CPNE4: variants seen among roughly 807,000 people sequenced by gnomAD.
CPNE4 encodes the protein copine-4.
A neutral mutation model predicts 67.9 loss-of-function variants in CPNE4; 25 were observed. The observed-to-expected ratio is 0.37, with a 90% CI of 0.27 to 0.51. The LOEUF (loss-of-function observed/expected upper bound fraction) is 0.51. CPNE4 is among the 20% of genes least tolerant of loss of function. The pLI is 0.93. For missense variants in CPNE4, 464 were observed against 690.8 expected, an observed-to-expected ratio of 0.67 and a Z score of 3.68; for synonymous variants, 242 against 244.9, an observed-to-expected ratio of 0.99 and a Z score of 0.11.
At chr3:131,875,695 G>A (rs187254774) in intron 2 of CPNE4, among the ~76,000 whole-genome samples, 1 of 139,824 alleles carries the variant, frequency 7.2e-6, no homozygotes, top group East Asian at 2.5e-4. Context: ...GTGGGGGGAG[G>A]GGGGAGGGAT....
intron 7 of CPNE4, among the ~76,000 whole-genome samples, chr3:131,653,844 T>G (rs1166177933): frequency 6.6e-6 from 1 of 152,214 alleles, no homozygotes; most frequent in African/African-American, 2.4e-5. Flanking sequence ...TTATGCAACT[T>G]ACACGTCAGC....
chr3:131,708,327 G>C (rs953839262), intron 3 of CPNE4, among the ~76,000 whole-genome samples: 1 of 152,120 alleles, frequency 6.6e-6, no homozygotes, highest in Non-Finnish European at 1.5e-5. Context: ...AGGGCAAGAG[G>C]AGATGAAGAG....
chr3:131,947,757 TG>T (rs1260673007), intron 1 of CPNE4, among the ~76,000 whole-genome samples: 1 of 152,170 alleles, frequency 6.6e-6, no homozygotes, highest in Non-Finnish European at 1.5e-5. Flanking sequence ...TATCCAGTAA[TG>T]GGATTGCTGG....
At chr3:132,038,847 AC>A (rs1186427893), upstream of CPNE4, among the ~76,000 whole-genome samples, 1 of 152,178 alleles carries the variant, frequency 6.6e-6, no homozygotes, top group African/African-American at 2.4e-5. Context: ...GTTTTTCCTT[AC>A]TAAGAAAAAC....
At chr3:131,997,211 G>C (rs1328498755) in intron 1 of CPNE4, among the ~76,000 whole-genome samples, 1 of 152,090 alleles carries the variant, frequency 6.6e-6, no homozygotes, top group Non-Finnish European at 1.5e-5. Context: ...AATGGAAAGG[G>C]CAGACCACTC....
At chr3:131,942,723 G>A (rs1246903173) in intron 1 of CPNE4, among the ~76,000 whole-genome samples, 1 of 152,000 alleles carries the variant, frequency 6.6e-6, no homozygotes, top group Non-Finnish European at 1.5e-5. Context: ...AGTAAACTTG[G>A]TAAGGAAATT....
intron 2 of CPNE4, among the ~76,000 whole-genome samples, chr3:131,787,399 C>T (rs1343583590): frequency 6.6e-6 from 1 of 152,142 alleles, no homozygotes; most frequent in Non-Finnish European, 1.5e-5. Context: ...TGGTGGGGAG[C>T]TCTGGAGCAA....
intron 3 of CPNE4, among the ~76,000 whole-genome samples, chr3:131,716,892 G>A (rs2081706347): frequency 6.6e-6 from 1 of 152,212 alleles, no homozygotes; most frequent in Non-Finnish European, 1.5e-5. Flanking sequence ...CCCACACCAT[G>A]TACACGTCAG....
At chr3:131,554,964 C>T (rs570605295) in intron 12 of CPNE4, among the ~76,000 whole-genome samples, 8 of 152,190 alleles carry the variant, frequency 5.3e-5, no homozygotes, top group Admixed American at 3.3e-4. Context: ...CATGAGAAAT[C>T]ATTATCAAAA....
chr3:131,914,225 A>G (rs1186134732), intron 1 of CPNE4, among the ~76,000 whole-genome samples: 1 of 152,206 alleles, frequency 6.6e-6, no homozygotes, highest in Non-Finnish European at 1.5e-5. Context: ...ATTTGAACCC[A>G]GGACCTCCAA....
At chr3:131,600,437 A>G (rs760002646) in intron 7 of CPNE4, among the ~76,000 whole-genome samples, 29 of 152,146 alleles carry the variant, frequency 1.9e-4, no homozygotes, top group Non-Finnish European at 3.7e-4. Context: ...GTTAACTTTA[A>G]AAGGGGAGGG....
At chr3:132,038,003 C>CTTTT (rs35184182), upstream of CPNE4, 26 of 145,544 alleles carry the variant, frequency 1.8e-4, no homozygotes, top group South Asian at 1.1e-3. Context: ...TATTTTCTTT[C>CTTTT]TTTTTTTTTT....
At chr3:131,743,962 C>CAAAAAAAAAAAAAAA (rs67791015) in intron 2 of CPNE4, among the ~76,000 whole-genome samples, 2 of 59,200 alleles carry the variant, frequency 3.4e-5, no homozygotes, top group African/African-American at 7.4e-5. Flanking sequence ...GACTCCGTCT[C>CAAAAAAAAAAAAAAA]AAAAAAAAAA....
chr3:131,712,116 T>G (rs749898204), intron 3 of CPNE4, among the ~76,000 whole-genome samples: 113 of 151,900 alleles, frequency 7.4e-4, no homozygotes, highest in Non-Finnish European at 1.3e-3. Context: ...CCACATTTGT[T>G]TAAAAATCTA....
intron 7 of CPNE4, among the ~76,000 whole-genome samples, chr3:131,606,290 C>A (rs1331791874): frequency 1.3e-5 from 2 of 152,192 alleles, no homozygotes; most frequent in African/African-American, 4.8e-5. Flanking sequence ...AATGCAACCA[C>A]CATAGGTGTT....
chr3:131,919,360 T>C (rs1046166182), intron 1 of CPNE4, among the ~76,000 whole-genome samples: 3 of 152,156 alleles, frequency 2.0e-5, no homozygotes, highest in African/African-American at 7.2e-5. Context: ...TAAGATGGAA[T>C]GCCATATAGC....
intron 2 of CPNE4, among the ~76,000 whole-genome samples, chr3:131,738,567 C>G (rs2082289561): frequency 1.3e-5 from 2 of 152,182 alleles, no homozygotes. Flanking sequence ...TCTTCCAACC[C>G]TGAAATTCTA....
At chr3:131,803,097 C>T (rs377223713) in intron 2 of CPNE4, among the ~76,000 whole-genome samples, 11 of 152,088 alleles carry the variant, frequency 7.2e-5, no homozygotes, top group East Asian at 3.8e-4. Flanking sequence ...AATAAAAAGA[C>T]GAAGAAGAAA....
intron 2 of CPNE4, among the ~76,000 whole-genome samples, chr3:131,903,936 T>C (rs79544102): frequency 0.28 from 42,161 of 152,024 alleles, 6,061 homozygotes; most frequent in Admixed American, 0.35. Flanking sequence ...CTAGAGCTTC[T>C]CTCCACTGGG....
Sources: allele counts gnomAD v4.1 joint callset (sites outside exome capture counted in the v4.1 genomes callset), GRCh38; gene constraint gnomAD v4.1.1; transcripts MANE v1.5; gene names NCBI Gene and HGNC (gene_info 2026-07-23, HGNC 2026-07-21).